Variants in FBXO27 observed in about 807,000 individuals in gnomAD.
FBXO27 encodes the protein F-box protein 27, also known as F-box only protein 27.
In FBXO27, 28 loss-of-function variants were observed where a neutral mutation model predicts 28.3. The observed-to-expected ratio is 0.99, with a 90% CI of 0.73 to 1.36. The LOEUF (loss-of-function observed/expected upper bound fraction) is 1.36, where lower values mean the gene tolerates loss of function less well. Among genes scored for constraint, FBXO27 ranks in the 40% most tolerant of loss-of-function variants. The pLI is 0.00. For synonymous variants in FBXO27, 175 were observed against 167.3 expected (o/e 1.05, Z -0.36); for missense variants, 388 against 394.1 (o/e 0.98, Z 0.13).
intron 2 of FBXO27, among the ~76,000 whole-genome samples, chr19:39,006,778 C>T (rs1022459949): frequency 4.0e-5 from 6 of 151,832 alleles, no homozygotes; most frequent in African/African-American, 7.3e-5. Context: ...GGACAACACA[C>T]ACACGAAATA....
At chr19:39,018,061 A>G (rs977003869) in intron 1 of FBXO27, among the ~76,000 whole-genome samples, 4 of 152,030 alleles carry the variant, frequency 2.6e-5, no homozygotes, top group African/African-American at 9.7e-5. Flanking sequence ...GCTCGCTGCA[A>G]CCTCCACCTC....
At chr19:39,017,355 A>G (rs867295869) in intron 1 of FBXO27, among the ~76,000 whole-genome samples, 1 of 152,166 alleles carries the variant, frequency 6.6e-6, no homozygotes, top group African/African-American at 2.4e-5. Flanking sequence ...GATGATCCTC[A>G]TAGTGTATAG....
chr19:39,031,429 C>T (rs2072902818), intron 2 of FBXO27, 109 bp from the exon 3 acceptor site: 1 of 963,574 alleles, frequency 1.0e-6, no homozygotes, highest in Non-Finnish European at 1.6e-6. Context: ...GCTCACTCAC[C>T]TGACCCTTCC....
At chr19:39,020,569 C>G (rs940415209), downstream of FBXO27, among the ~76,000 whole-genome samples, 1 of 151,982 alleles carries the variant, frequency 6.6e-6, no homozygotes, top group Non-Finnish European at 1.5e-5. Context: ...ATGTAGAGAA[C>G]ATTAGAAAAG....
chr19:39,008,899 C>T (rs1396890266), intron 2 of FBXO27, among the ~76,000 whole-genome samples: 2 of 152,198 alleles, frequency 1.3e-5, no homozygotes, highest in African/African-American at 2.4e-5. Flanking sequence ...TGGCTCACCA[C>T]AACCTCTGCC....
Position 39,025,275 on chromosome 19 carries a change from G to T in FBXO27, c.*136C>A. 1 of 1,205,780 alleles carries T rather than the reference G, an allele frequency of 8.3e-7. No homozygotes were observed. Among genetic ancestry groups the T allele is most frequent in the Non-Finnish European group, 1.2e-6 (1 of 864,156 alleles). The allele number at this position is 1,205,780 out of a possible 1,614,324, so 74.7% of individuals were successfully genotyped here. ...GAACCTGAAGACAGGGCCCGTCAGGGCCTTTGATTGGACCCAGGAATTCTC... is the reference window on the plus strand; with the variant it reads ...GAACCTGAAGACAGGGCCCGTCAGGTCCTTTGATTGGACCCAGGAATTCTC... On this transcript the variant is annotated 3_prime_UTR_variant, in exon 6 of 6. Transcript: ENST00000292853.
At chr19:39,007,057 C>CAAAAAAAAAAAA (rs34457510) in intron 2 of FBXO27, among the ~76,000 whole-genome samples, 3 of 57,618 alleles carry the variant, frequency 5.2e-5, no homozygotes, top group Non-Finnish European at 8.8e-5. Context: ...TGGGTGTCTC[C>CAAAAAAAAAAAA]AAAAAAAAAA....
chr19:39,015,614 AGAGT>A (rs1213967148), intron 1 of FBXO27, among the ~76,000 whole-genome samples: 2 of 152,160 alleles, frequency 1.3e-5, no homozygotes, highest in Non-Finnish European at 2.9e-5. Context: ...CCTCGGCAAC[AGAGT>A]GAGACCCTGT....
chr19:39,023,705 C>T (rs564143244), downstream of FBXO27, among the ~76,000 whole-genome samples: 1 of 152,206 alleles, frequency 6.6e-6, no homozygotes, highest in Non-Finnish European at 1.5e-5. Flanking sequence ...CCTCCACCTC[C>T]CGGATTCAAA....
Position 39,025,347 on chromosome 19 carries a change from C to CA in FBXO27, c.*63dup, listed in dbSNP as rs2144897312. On this transcript the variant is annotated 3_prime_UTR_variant, in exon 6 of 6. Transcript: ENST00000292853. ...TGCTTGGTTGGTTAATGAGGGGTCCCAGCCAATGGTCCCAGGCCCTGGAAG... is the reference window on the plus strand; with the variant it reads ...TGCTTGGTTGGTTAATGAGGGGTCCCAAGCCAATGGTCCCAGGCCCTGGAAG... The CA allele has an allele frequency of 6.4e-7, 1 of 1,556,836 alleles. No individual in the cohort carries two copies. Among genetic ancestry groups the CA allele is most frequent in the African/African-American group, 1.4e-5 (1 of 73,746 alleles).
chr19:39,022,056 C>T (rs12982349), downstream of FBXO27, among the ~76,000 whole-genome samples: 90,686 of 151,502 alleles, frequency 0.6, 27,449 homozygotes, highest in Middle Eastern at 0.63. Context: ...TTCATTCTCA[C>T]GGATTCAACA....
intron 4 of FBXO27, among the ~76,000 whole-genome samples, chr19:39,028,868 A>C (rs1600228437): frequency 6.6e-6 from 1 of 151,994 alleles, no homozygotes; most frequent in East Asian, 1.9e-4. Context: ...TCTCAAAAAA[A>C]CAAAAAATTC....
chr19:39,027,604 G>T (rs2072880368), intron 4 of FBXO27, among the ~76,000 whole-genome samples: 1 of 152,104 alleles, frequency 6.6e-6, no homozygotes, highest in Non-Finnish European at 1.5e-5. Context: ...TAAACCAGAA[G>T]TGTGTAGTAG....
chr19:39,023,866 C>T (rs111245007), downstream of FBXO27, among the ~76,000 whole-genome samples: 8 of 152,190 alleles, frequency 5.3e-5, no homozygotes, highest in South Asian at 1.2e-3. Flanking sequence ...CCGCCCACCT[C>T]GGCCTCCCAA....
At chr19:39,029,156 T>G (rs1443300500) in intron 4 of FBXO27, among the ~76,000 whole-genome samples, 1 of 151,484 alleles carries the variant, frequency 6.6e-6, no homozygotes, top group Non-Finnish European at 1.5e-5. Context: ...CCAGGCACAG[T>G]GGCTTATGCC....
chr19:39,016,140 A>G (rs1051774925), intron 1 of FBXO27, among the ~76,000 whole-genome samples: 3 of 152,168 alleles, frequency 2.0e-5, no homozygotes, highest in Non-Finnish European at 4.4e-5. Context: ...GGAGGAGTGA[A>G]CTGGTAGAGC....
chr19:39,018,621 T>C (rs1045592840), intron 1 of FBXO27, among the ~76,000 whole-genome samples: 1 of 152,076 alleles, frequency 6.6e-6, no homozygotes, highest in African/African-American at 2.4e-5. Flanking sequence ...TACCATAGAT[T>C]GAGGTCTGCA....
In FBXO27 at chr19:39,007,071, A is replaced by AAC. The variant is rs1449878179; in HGVS notation, c.252+7315_252+7316insGT. ...CTGGGTGTCTCCAAAAAAAAAAAAAAAAAAAAATACAGAAAAGTACAATCC... is the reference window on the plus strand; with the variant it reads ...CTGGGTGTCTCCAAAAAAAAAAAAAAACAAAAAAATACAGAAAAGTACAATCC... On this transcript the variant is annotated intron_variant, in intron 2 of 2. Transcript: ENST00000598394. 4.0e-5 allele frequency among the ~76,000 whole-genome samples: 6 copies of AAC among 150,208 alleles called. No homozygotes were observed. The East Asian group carries it at 7.8e-4, about 19-fold the overall frequency.
intron 4 of FBXO27, among the ~76,000 whole-genome samples, chr19:39,027,461 AG>A (rs2072879701): frequency 6.6e-6 from 1 of 152,198 alleles, no homozygotes. Flanking sequence ...GTCACACATC[AG>A]TGCCAGCACG....
Sources: allele counts gnomAD v4.1 joint callset (sites outside exome capture counted in the v4.1 genomes callset), GRCh38; gene constraint gnomAD v4.1.1; transcripts MANE v1.5; gene names NCBI Gene and HGNC (gene_info 2026-07-23, HGNC 2026-07-21).